The following MYCBP2 variants were observed in gnomAD, a reference collection of about 807,000 sequenced individuals.
The protein encoded by MYCBP2 is E3 ubiquitin-protein ligase MYCBP2.
A neutral mutation model predicts 525.3 loss-of-function variants in MYCBP2; 120 were observed. The observed-to-expected ratio is 0.23, with a 90% confidence interval of 0.20 to 0.27. MYCBP2 has a LOEUF of 0.27. MYCBP2 is among the 10% of genes least tolerant of loss of function. The probability of loss-of-function intolerance (pLI) is 1.00; values close to 1 mark genes in which losing one functional copy is unlikely to be tolerated. For synonymous variants in MYCBP2, 1,894 were observed against 1,955.8 expected (o/e 0.97, Z 0.83); for missense variants, 4,149 against 5,657.1 (o/e 0.73, Z 8.55).
rs947362345 is a variant in MYCBP2 at position 77,260,552 on chromosome 13, C to A, written c.1893G>T (p.Lys631Asn). The change falls in exon 13 of 83, where the codon AAG becomes AAT. Residue 631 changes from lysine to asparagine, a missense_variant. Lys to Asn is a moderately conservative substitution (Grantham distance 94, BLOSUM62 0). Coordinates refer to ENST00000544440, the MANE Select transcript of MYCBP2 (RefSeq NM_015057.5). Reference sequence around the variant, plus strand: ...CAATCTTTCCTTCCATCTTAATTATCTTTTTAGGTTTATAAGGTTTGGATT... The same window carrying A: ...CAATCTTTCCTTCCATCTTAATTATATTTTTAGGTTTATAAGGTTTGGATT... ...RRQSKPYKPK[K>N]IIKMEGKIVV... 1 of 1,609,432 alleles carries A rather than the reference C, an allele frequency of 6.2e-7. No homozygotes were observed. The highest frequency in any genetic ancestry group is 8.5e-7 in the Non-Finnish European group (1 of 1,178,586).
chr13:77,273,149 TA>T (rs1354311392), intron 5 of MYCBP2, among the ~76,000 whole-genome samples: 1 of 152,118 alleles, frequency 6.6e-6, no homozygotes, highest in African/African-American at 2.4e-5. Context: ...AATTCCATAC[TA>T]AAAAACTCAG....
intron 59 of MYCBP2, among the ~76,000 whole-genome samples, chr13:77,091,013 G>A (rs909554947): frequency 4.0e-5 from 6 of 151,670 alleles, no homozygotes; most frequent in African/African-American, 7.3e-5. Flanking sequence ...TATTCTTTTC[G>A]TGAGCTCCTT....
chr13:77,118,004 TG>T (rs1392633629), intron 55 of MYCBP2, among the ~76,000 whole-genome samples: 2 of 152,190 alleles, frequency 1.3e-5, no homozygotes, highest in Non-Finnish European at 2.9e-5. Context: ...CAAACAAACC[TG>T]TCCAAACAAG....
At chr13:77,288,849 G>A (rs9530631) in intron 2 of MYCBP2, among the ~76,000 whole-genome samples, 111,194 of 151,990 alleles carry the variant, frequency 0.73, 41,918 homozygotes, top group Middle Eastern at 0.84. Flanking sequence ...ATTTTCATCA[G>A]CTCATTTCAT....
At chr13:77,233,375 G>T in intron 17 of MYCBP2, 112 bp from the exon 18 acceptor site, 1 of 843,300 alleles carries the variant, frequency 1.2e-6, no homozygotes, top group Non-Finnish European at 1.8e-6. Flanking sequence ...TAACGGTTTT[G>T]GACATTATAC....
rs968279296 is a variant in MYCBP2 at position 77,098,914 on chromosome 13, C to A, written c.8240G>T (p.Arg2747Leu). ...KHSRSLKPDG[R>L]MSRTTADQKK... is the part of the protein sequence containing the mutation. ...CTGATCAGCAGTAGTCCGGCTCATACGTCCATCAGGTTTAAGCGATCTGCT... is the reference window on the plus strand; with the variant it reads ...CTGATCAGCAGTAGTCCGGCTCATAAGTCCATCAGGTTTAAGCGATCTGCT... The change falls in exon 56 of 83, where the codon CGT (arginine) becomes CTT (leucine). Residue 2747 changes from arginine (R) to leucine (L), a missense_variant. Coordinates refer to ENST00000544440, the MANE Select transcript of MYCBP2 (RefSeq NM_015057.5). 6.2e-7 allele frequency: 1 copy of A among 1,613,654 alleles called. No individual in the cohort carries two copies. Among genetic ancestry groups the A allele is most frequent in the Non-Finnish European group, 8.5e-7 (1 of 1,179,748 alleles).
At chr13:77,315,764 G>A (rs373067865) in intron 1 of MYCBP2, among the ~76,000 whole-genome samples, 6 of 151,852 alleles carry the variant, frequency 4.0e-5, no homozygotes, top group South Asian at 2.1e-4. Context: ...GCATAGTGGC[G>A]TGTGCCTGTA....
intron 1 of MYCBP2, among the ~76,000 whole-genome samples, chr13:77,310,441 C>T (rs1234212051): frequency 1.3e-5 from 2 of 152,120 alleles, no homozygotes; most frequent in Non-Finnish European, 2.9e-5. Flanking sequence ...CACAGCCATG[C>T]TTATCCATTT....
At chr13:77,108,448 A>G (rs2048206107) in intron 55 of MYCBP2, among the ~76,000 whole-genome samples, 1 of 152,204 alleles carries the variant, frequency 6.6e-6, no homozygotes, top group Admixed American at 6.5e-5. Flanking sequence ...CTTCCCGAGC[A>G]TTAACTTGAG....
chr13:77,235,924 G>C (rs1235388792), intron 17 of MYCBP2, among the ~76,000 whole-genome samples: 2 of 151,918 alleles, frequency 1.3e-5, no homozygotes, highest in Admixed American at 6.6e-5. Flanking sequence ...GAAGGGCAAG[G>C]GAAAAGAAAT....
At chr13:77,116,676 A>C (rs991968713) in intron 55 of MYCBP2, among the ~76,000 whole-genome samples, 9 of 152,076 alleles carry the variant, frequency 5.9e-5, no homozygotes, top group Admixed American at 5.2e-4. Flanking sequence ...CCATGATTTC[A>C]AATTTGCTTC....
chr13:77,233,222 C>A lies in MYCBP2; in HGVS notation c.2671G>T (p.Glu891Ter). Residue 891 changes from glutamate (E) to a stop codon, truncating the protein, a stop_gained, in exon 18 of 83, where the codon GAA (glutamate) becomes TAA (stop). Coordinates refer to ENST00000544440, the MANE Select transcript of MYCBP2 (RefSeq NM_015057.5). LOFTEE classifies it high-confidence loss of function. ...GATCTGAGTCTGGCTAGAGCCTGTT[C>A]TCGATGGTTCATAAAAATAGGACCA... ...FAGPIFMNHR[E>*]QALARLRSHP... 1 of 1,613,778 alleles carries A rather than the reference C, an allele frequency of 6.2e-7. No individual in the cohort carries two copies. The highest frequency in any genetic ancestry group is 8.5e-7 in the Non-Finnish European group (1 of 1,179,818).
chr13:77,306,475 G>A (rs1321801500), intron 1 of MYCBP2, among the ~76,000 whole-genome samples: 1 of 152,162 alleles, frequency 6.6e-6, no homozygotes, highest in Non-Finnish European at 1.5e-5. Flanking sequence ...TTATTTGGAA[G>A]TCTTCACATG....
chr13:77,131,313 T>G (rs1208466257), intron 52 of MYCBP2, among the ~76,000 whole-genome samples: 1 of 152,000 alleles, frequency 6.6e-6, no homozygotes, highest in Non-Finnish European at 1.5e-5. Context: ...ATCCAGGAGT[T>G]CGAGACCAGC....
intron 10 of MYCBP2, among the ~76,000 whole-genome samples, chr13:77,263,129 T>C (rs2073569461): frequency 6.6e-6 from 1 of 151,994 alleles, no homozygotes; most frequent in African/African-American, 2.4e-5. Flanking sequence ...TGGTTATCTG[T>C]ATTTCTCTAT....
At chr13:77,126,949 A>T (rs1260629322) in intron 52 of MYCBP2, among the ~76,000 whole-genome samples, 3 of 152,134 alleles carry the variant, frequency 2.0e-5, no homozygotes, top group Non-Finnish European at 4.4e-5. Flanking sequence ...GGTAAAAAAA[A>T]GTCTAAATAT....
At chr13:77,228,668 G>A (rs2066674342) in intron 18 of MYCBP2, among the ~76,000 whole-genome samples, 1 of 149,142 alleles carries the variant, frequency 6.7e-6, no homozygotes, top group Non-Finnish European at 1.5e-5. Context: ...GAGCACATCT[G>A]TATTTTCCCT....
At chr13:77,297,673 G>A (rs578101276) in intron 1 of MYCBP2, among the ~76,000 whole-genome samples, 1 of 152,206 alleles carries the variant, frequency 6.6e-6, no homozygotes, top group South Asian at 2.1e-4. Flanking sequence ...AAAGTAATGG[G>A]TTTGATTTTG....
At chr13:77,123,928 A>C (rs1333932082) in intron 54 of MYCBP2, among the ~76,000 whole-genome samples, 1 of 152,232 alleles carries the variant, frequency 6.6e-6, no homozygotes, top group African/African-American at 2.4e-5. Context: ...GCACATAGTA[A>C]GTGAAAAAGT....
Sources: gnomAD v4.1 joint callset for allele counts (sites outside exome capture counted in the v4.1 genomes callset) on GRCh38, gnomAD v4.1.1 for gene constraint, MANE v1.5 for transcripts, NCBI Gene and HGNC (gene_info 2026-07-23, HGNC 2026-07-21) for gene names.